SLC26A7: variants seen among roughly 807,000 people sequenced by gnomAD.
SLC26A7 encodes the protein solute carrier family 26 member 7.
A neutral mutation model predicts 82.5 loss-of-function variants in SLC26A7; 59 were observed. The ratio of observed to expected loss-of-function variants is 0.72; its 90% CI spans 0.58 to 0.89. The LOEUF (loss-of-function observed/expected upper bound fraction) is 0.89, where lower values mean the gene tolerates loss of function less well. Among genes scored for constraint, SLC26A7 ranks in the 40% least tolerant of loss-of-function variants. The pLI, the probability that SLC26A7 is intolerant of heterozygous loss-of-function variation, is 0.00. For synonymous variants in SLC26A7, 271 were observed against 274.3 expected (o/e 0.99, Z 0.12); for missense variants, 820 against 793.0 (o/e 1.03, Z -0.41).
intron 2 of SLC26A7, among the ~76,000 whole-genome samples, chr8:91,268,843 C>A (rs751043554): frequency 6.6e-6 from 1 of 150,698 alleles, no homozygotes; most frequent in African/African-American, 2.4e-5. Flanking sequence ...TTTAGTGTAT[C>A]CATTATAGAT....
intron 5 of SLC26A7, among the ~76,000 whole-genome samples, chr8:91,325,024 A>G (rs910128956): frequency 6.6e-6 from 1 of 152,128 alleles, no homozygotes; most frequent in Non-Finnish European, 1.5e-5. Context: ...TTGTGATTCT[A>G]TTTCATTAAC....
chr8:91,375,709 C>T (rs1338784932), intron 15 of SLC26A7, among the ~76,000 whole-genome samples: 1 of 149,488 alleles, frequency 6.7e-6, no homozygotes, highest in African/African-American at 2.5e-5. Flanking sequence ...GATGACTCTG[C>T]TTCAGTGATG....
chr8:91,289,052 A>G (rs1811790417), intron 2 of SLC26A7, 84 bp from the exon 3 acceptor site: 1 of 847,884 alleles, frequency 1.2e-6, no homozygotes, highest in Non-Finnish European at 2.0e-6. Context: ...TTTGTCTATA[A>G]GTAAACCAAT....
chr8:91,234,635 A>T (rs1043424325), intron 2 of SLC26A7, among the ~76,000 whole-genome samples: 1 of 152,222 alleles, frequency 6.6e-6, no homozygotes, highest in Admixed American at 6.5e-5. Context: ...CTGTTAAATA[A>T]AACAGACAAG....
chr8:91,295,493 A>C, intron 3 of SLC26A7, 38 bp from the exon 4 acceptor site: 1 of 1,579,600 alleles, frequency 6.3e-7, no homozygotes, highest in East Asian at 2.3e-5. Flanking sequence ...TTTAAATCAA[A>C]TTACTAATAG....
Position 91,340,445 on chromosome 8 carries a change from C to CA in SLC26A7, c.920_921insA (p.Val308GlyfsTer4). 1 of 1,613,958 alleles carries CA rather than the reference C, an allele frequency of 6.2e-7. No individual in the cohort carries two copies. Among genetic ancestry groups the CA allele is most frequent in the Non-Finnish European group, 8.5e-7 (1 of 1,179,912 alleles). On this transcript the variant is annotated frameshift_variant, in exon 8 of 19. Transcript: ENST00000276609. LOFTEE classifies it high-confidence loss of function. The stretch of plus-strand genomic sequence containing the variant: ...GCTCCCCCGATGAACATCCTCTCTG[C>CA]GGTGATCACTGAAGCTTTCGGAGTG...
At chr8:91,268,097 G>T (rs1236879219) in intron 2 of SLC26A7, among the ~76,000 whole-genome samples, 2 of 151,502 alleles carry the variant, frequency 1.3e-5, no homozygotes, top group Admixed American at 1.3e-4. Context: ...ATTTCATTTA[G>T]GTCAGAAAAG....
At chr8:91,357,108 C>G (rs1255333740) in intron 11 of SLC26A7, 3 of 152,178 alleles carry the variant, frequency 2.0e-5, no homozygotes, top group Admixed American at 1.3e-4. Context: ...CATCTGGTAT[C>G]AAATAAATCT....
At chr8:91,328,052 T>C (rs1313884848) in intron 5 of SLC26A7, among the ~76,000 whole-genome samples, 6 of 152,164 alleles carry the variant, frequency 3.9e-5, no homozygotes, top group Non-Finnish European at 8.8e-5. Context: ...TTTTGATTAA[T>C]AGAATTTTCT....
intron 16 of SLC26A7, 116 bp from the exon 17 acceptor site, chr8:91,393,681 G>C: frequency 9.0e-7 from 1 of 1,105,354 alleles, no homozygotes; most frequent in Non-Finnish European, 1.3e-6. Flanking sequence ...CCCTCTGGTG[G>C]TTTGACTTCG....
At chr8:91,261,595 C>G (rs938577796) in intron 2 of SLC26A7, among the ~76,000 whole-genome samples, 2 of 152,044 alleles carry the variant, frequency 1.3e-5, no homozygotes, top group African/African-American at 4.8e-5. Flanking sequence ...AACAAACTGG[C>G]AGTCTTAAAA....
rs370041331 is a variant in SLC26A7 at position 91,289,190 on chromosome 8, C to A, written c.248C>A (p.Ser83Tyr). The change falls in exon 3 of 19, where the codon TCT (serine) becomes TAT (tyrosine). Residue 83 changes from serine (S) to tyrosine (Y), a missense_variant. Transcript: ENST00000276609. ...SVHPVFGLYG[S>Y]LFPAIIYAIF... Reference sequence around the variant, plus strand: ...CACCCAGTGTTTGGTTTATATGGGTCTCTGTTTCCTGCCATAATTTATGCC... The same window carrying A: ...CACCCAGTGTTTGGTTTATATGGGTATCTGTTTCCTGCCATAATTTATGCC... 9.3e-6 allele frequency: 15 copies of A among 1,613,878 alleles called. No homozygotes were observed. Among genetic ancestry groups the A allele is most frequent in the Non-Finnish European group, 1.3e-5 (15 of 1,179,980 alleles).
chr8:91,284,360 T>C (rs991184913), intron 2 of SLC26A7, among the ~76,000 whole-genome samples: 2 of 152,190 alleles, frequency 1.3e-5, no homozygotes, highest in Non-Finnish European at 2.9e-5. Flanking sequence ...CTAGTCAGCC[T>C]AGTCAGTCAT....
At chr8:91,324,401 G>T (rs1303776474) in intron 5 of SLC26A7, among the ~76,000 whole-genome samples, 2 of 152,164 alleles carry the variant, frequency 1.3e-5, no homozygotes, top group Non-Finnish European at 2.9e-5. Context: ...AAGTTGGGGT[G>T]GGGAGAGGGC....
chr8:91,382,282 A>G (rs2130896143), intron 15 of SLC26A7, among the ~76,000 whole-genome samples: 1 of 152,134 alleles, frequency 6.6e-6, no homozygotes, highest in Admixed American at 6.6e-5. Flanking sequence ...ACTCCCTAGC[A>G]TGGCACCTAA....
chr8:91,315,805 T>C (rs1404591315), intron 4 of SLC26A7, among the ~76,000 whole-genome samples: 1 of 152,200 alleles, frequency 6.6e-6, no homozygotes. Context: ...ACTAGGTAAA[T>C]ATGTGTGACA....
At chr8:91,229,900 T>A (rs1394309173) in intron 2 of SLC26A7, among the ~76,000 whole-genome samples, 1 of 152,168 alleles carries the variant, frequency 6.6e-6, no homozygotes, top group East Asian at 1.9e-4. Flanking sequence ...TACTAAAAAA[T>A]TCGTTTATCT....
chr8:91,350,559 C>T (rs2339303), intron 9 of SLC26A7, among the ~76,000 whole-genome samples: 2 of 151,640 alleles, frequency 1.3e-5, no homozygotes, highest in Non-Finnish European at 2.9e-5. Context: ...CTCTAGCATC[C>T]TATAATTTAT....
chr8:91,339,388 C>A (rs1226657477), intron 7 of SLC26A7, among the ~76,000 whole-genome samples: 1 of 152,076 alleles, frequency 6.6e-6, no homozygotes, highest in Admixed American at 6.6e-5. Flanking sequence ...TGGCTTTGAA[C>A]AGAAGTGGAG....
Sources: gnomAD v4.1 joint callset for allele counts (sites outside exome capture counted in the v4.1 genomes callset) on GRCh38, gnomAD v4.1.1 for gene constraint, MANE v1.5 for transcripts, NCBI Gene and HGNC (gene_info 2026-07-23, HGNC 2026-07-21) for gene names.